SLAMF8: variants seen among roughly 807,000 people sequenced by gnomAD.
SLAMF8 encodes SLAM family member 8.
SLAMF8 carries 23 observed loss-of-function variants against 29.0 expected under a neutral mutation model. That is an observed-to-expected ratio of 0.79 (90% CI 0.57 to 1.13). SLAMF8 has a LOEUF of 1.13. Among genes scored for constraint, SLAMF8 ranks in the 50% most tolerant of loss-of-function variants. The pLI is 0.00. For synonymous variants in SLAMF8, 139 were observed against 145.6 expected, an observed-to-expected ratio of 0.96 and a Z score of 0.32; for missense variants, 381 against 353.1, an observed-to-expected ratio of 1.08 and a Z score of -0.63.
In SLAMF8 at chr1:159,837,134, C is replaced by G. The variant is rs956736411; in HGVS notation, c.*1874C>G. 1.0e-6 allele frequency: 1 copy of G among 985,392 alleles called. No individual in the cohort carries two copies. The highest frequency in any genetic ancestry group is 1.2e-6 in the Non-Finnish European group (1 of 830,004). 61.0% of individuals were successfully genotyped at this position (985,392 alleles called of 1,614,324 possible). A position where few individuals can be genotyped will look rare whatever the true frequency, so the allele number is the denominator to read the frequency against. On this transcript the variant is annotated 3_prime_UTR_variant, in exon 5 of 5. Transcript: ENST00000289707. Reference sequence around the variant, plus strand: ...TCTGGATGAGATGGGACCTGCAGCTCTCCCTCCACAAGGTGACTCTTAGCA... The same window carrying G: ...TCTGGATGAGATGGGACCTGCAGCTGTCCCTCCACAAGGTGACTCTTAGCA...
At chr1:159,834,045 G>A (rs1045418907) in intron 4 of SLAMF8, among the ~76,000 whole-genome samples, 1 of 152,182 alleles carries the variant, frequency 6.6e-6, no homozygotes, top group African/African-American at 2.4e-5. Flanking sequence ...GGAAGGAAGG[G>A]GAAACTCCAA....
Position 159,833,255 on chromosome 1 carries a change from T to C in SLAMF8, c.674-7T>C, listed in dbSNP as rs200038283. On this transcript the variant is annotated splice_polypyrimidine_tract_variant and splice_region_variant and intron_variant, in intron 3 of 4. Transcript: ENST00000289707. ...GTCCACCTCTAACCCCACCCCTCCATGTTCAGCACCAGGGAAGGCCTCCTA... is the reference window on the plus strand; with the variant it reads ...GTCCACCTCTAACCCCACCCCTCCACGTTCAGCACCAGGGAAGGCCTCCTA... The C allele has an allele frequency of 2.7e-5, 44 of 1,614,072 alleles. No individual in the cohort carries two copies. In the African/African-American group the frequency reaches 3.7e-4, roughly 14 times the overall value.
rs1016607498 is a variant in SLAMF8 at position 159,833,092 on chromosome 1, G to C, written c.584G>C (p.Arg195Thr). ...AGCATTTCCCTGGGACCAGGAGACA[G>C]AGATGTGGCCTATTCCTGCATTGTC... ...VLSISLGPGD[R>T]DVAYSCIVSN... Residue 195 changes from arginine (R) to threonine (T), a missense_variant, in exon 3 of 5, where the codon AGA becomes ACA. Coordinates refer to ENST00000289707, the MANE Select transcript of SLAMF8 (RefSeq NM_020125.3). 5 of 1,614,090 alleles carry C rather than the reference G, an allele frequency of 3.1e-6. No homozygotes were observed. The highest frequency in any genetic ancestry group is 1.3e-5 in the African/African-American group (1 of 74,928).
At chr1:159,831,922 A>C (rs978938549) in intron 2 of SLAMF8, among the ~76,000 whole-genome samples, 4 of 152,146 alleles carry the variant, frequency 2.6e-5, no homozygotes, top group African/African-American at 9.7e-5. Flanking sequence ...GTGCCCAGCA[A>C]ATCATTTCTC....
rs58863620 is a variant in SLAMF8 at position 159,836,459 on chromosome 1, C to G, written c.*1199C>G. 0.15 allele frequency: 151,614 copies of G among 985,310 alleles called. 12,342 individuals carry two copies. Among genetic ancestry groups the G allele is most frequent in the African/African-American group, 0.24 (13,545 of 57,290 alleles). 61.0% of individuals were successfully genotyped at this position (985,310 alleles called of 1,614,324 possible). ...AAAAACACTTAAGGAGCTAAACTTA[C>G]CTTCGGGGATTATTAGCTGATAAGG... On this transcript the variant is annotated 3_prime_UTR_variant, in exon 5 of 5. Coordinates refer to ENST00000289707, the MANE Select transcript of SLAMF8 (RefSeq NM_020125.3).
Position 159,836,817 on chromosome 1 carries a change from C to A in SLAMF8, c.*1557C>A, listed in dbSNP as rs1267323931. On this transcript the variant is annotated 3_prime_UTR_variant, in exon 5 of 5. Coordinates refer to ENST00000289707, the MANE Select transcript of SLAMF8 (RefSeq NM_020125.3). ...GTTGGTAACCTGGCTTTATCAAATT[C>A]TCATCCCTTTCCCACACCCACTTCT... The A allele has an allele frequency of 1.0e-6, 1 of 985,590 alleles. No homozygotes were observed. 61.1% of individuals were successfully genotyped at this position (985,590 alleles called of 1,614,324 possible).
intron 1 of SLAMF8, among the ~76,000 whole-genome samples, chr1:159,829,204 C>T (rs1413913992): frequency 6.6e-6 from 1 of 152,204 alleles, no homozygotes; most frequent in Non-Finnish European, 1.5e-5. Context: ...TCTCCACATC[C>T]CTGCTGGAGT....
At position 159,826,904 on chromosome 1, in the gene SLAMF8, C is replaced by CA; in HGVS notation, c.7dup (p.Met3AsnfsTer45). ...GCCTGCCTCTCCAGAGAAAGATGGT[C>CA]ATGAGGCCCCTGTGGAGTCTGCTTC... On this transcript the variant is annotated frameshift_variant, in exon 1 of 5. Transcript: ENST00000289707. LOFTEE classifies it high-confidence loss of function. 2 of 1,614,092 alleles carry CA rather than the reference C, an allele frequency of 1.2e-6. No homozygotes were observed. Among genetic ancestry groups the CA allele is most frequent in the Non-Finnish European group, 8.5e-7 (1 of 1,180,012 alleles).
At chr1:159,832,488 C>A (rs1022974761) in intron 2 of SLAMF8, among the ~76,000 whole-genome samples, 4 of 152,236 alleles carry the variant, frequency 2.6e-5, no homozygotes, top group African/African-American at 9.6e-5. Flanking sequence ...GCAATGTGTT[C>A]AAGCTGGGCC....
At position 159,835,875 on chromosome 1, in the gene SLAMF8, C is replaced by T; in HGVS notation, c.*615C>T. Reference sequence around the variant, plus strand: ...CTTTCAGGTAATCAGAGTTCATGGGCCCTCAAAGGTAAATTGCAGTTGTAG... The same window carrying T: ...CTTTCAGGTAATCAGAGTTCATGGGTCCTCAAAGGTAAATTGCAGTTGTAG... On this transcript the variant is annotated 3_prime_UTR_variant, in exon 5 of 5. Coordinates refer to ENST00000289707, the MANE Select transcript of SLAMF8 (RefSeq NM_020125.3). 1 of 985,422 alleles carries T rather than the reference C, an allele frequency of 1.0e-6. No individual in the cohort carries two copies. Among genetic ancestry groups the T allele is most frequent in the Non-Finnish European group, 1.2e-6 (1 of 829,966 alleles). 61.0% of individuals were successfully genotyped at this position (985,422 alleles called of 1,614,324 possible).
chr1:159,834,267 G>T (rs534796075), intron 4 of SLAMF8, among the ~76,000 whole-genome samples: 1 of 152,330 alleles, frequency 6.6e-6, no homozygotes, highest in East Asian at 1.9e-4. Context: ...AGAAGGCAGG[G>T]TCTGGGTCCA....
At position 159,836,084 on chromosome 1, in the gene SLAMF8, C is replaced by T; in HGVS notation, c.*824C>T. ...CAGGAAAAGAAATACTGAATTTGCC[C>T]CAGCCAACAGGACGTTCTTGCACAA... On this transcript the variant is annotated 3_prime_UTR_variant, in exon 5 of 5. Transcript: ENST00000289707. 2.0e-6 allele frequency: 2 copies of T among 985,446 alleles called. No homozygotes were observed. Among genetic ancestry groups the T allele is most frequent in the Non-Finnish European group, 2.4e-6 (2 of 829,940 alleles). 61.0% of individuals were successfully genotyped at this position (985,446 alleles called of 1,614,324 possible). A position where few individuals can be genotyped will look rare whatever the true frequency, so the allele number is the denominator to read the frequency against.
Position 159,835,558 on chromosome 1 carries a change from C to A in SLAMF8, c.*298C>A. 1 of 1,158,596 alleles carries A rather than the reference C, an allele frequency of 8.6e-7. No homozygotes were observed. Among genetic ancestry groups the A allele is most frequent in the South Asian group, 3.1e-5 (1 of 31,764 alleles). The allele number at this position is 1,158,596 out of a possible 1,614,324, so 71.8% of individuals were successfully genotyped here. ...CTGGAAGTTCTCCAGGATCCAGATC[C>A]ATGGGGACATTAATAGTCCAAGGCA... On this transcript the variant is annotated 3_prime_UTR_variant, in exon 5 of 5. Coordinates refer to ENST00000289707, the MANE Select transcript of SLAMF8 (RefSeq NM_020125.3).
chr1:159,830,232 C>G (rs374458004), intron 2 of SLAMF8, 40 bp downstream of exon 2: 3 of 1,524,110 alleles, frequency 2.0e-6, no homozygotes, highest in East Asian at 2.3e-5. Flanking sequence ...CCTCTTCCCC[C>G]ACAAAGCACC....
At chr1:159,834,052 C>T (rs1647704400) in intron 4 of SLAMF8, among the ~76,000 whole-genome samples, 1 of 152,174 alleles carries the variant, frequency 6.6e-6, no homozygotes, top group South Asian at 2.1e-4. Flanking sequence ...AGGGGAAACT[C>T]CAAGATCAGA....
Position 159,830,042 on chromosome 1 carries a change from C to T in SLAMF8, c.217C>T (p.His73Tyr). The change falls in exon 2 of 5, where the codon CAT (histidine) becomes TAT (tyrosine). Residue 73 changes from histidine (H) to tyrosine (Y), a missense_variant. Transcript: ENST00000289707. Reference sequence around the variant, plus strand: ...CCGAGGCTCCCTGGAGACTCTGTACCATTCCCGCTTCCTGGGCCGAGCCCA... The same window carrying T: ...CCGAGGCTCCCTGGAGACTCTGTACTATTCCCGCTTCCTGGGCCGAGCCCA... Reference protein sequence around the residue: ...FFRGSLETLYHSRFLGRAQLH... With the variant: ...FFRGSLETLYYSRFLGRAQLH... 3 of 1,614,254 alleles carry T rather than the reference C, an allele frequency of 1.9e-6. No homozygotes were observed. The highest frequency in any genetic ancestry group is 2.5e-6 in the Non-Finnish European group (3 of 1,180,042).
chr1:159,829,747 C>T, intron 1 of SLAMF8, 119 bp from the exon 2 acceptor site: 2 of 1,083,510 alleles, frequency 1.8e-6, no homozygotes, highest in Non-Finnish European at 2.7e-6. Context: ...GCAACCTCAA[C>T]TTGAGTGGAG....
chr1:159,833,087 A>C lies in SLAMF8; in HGVS notation c.579A>C (p.Gly193=), dbSNP rs1188436303. ...TGCTGAGCATTTCCCTGGGACCAGG[A>C]GACAGAGATGTGGCCTATTCCTGCA... ...GQVLSISLGP[G]DRDVAYSCIV... Residue 193 remains glycine (G), a synonymous_variant, in exon 3 of 5, where the codon GGA becomes GGC. Transcript: ENST00000289707. 12 of 1,614,198 alleles carry C rather than the reference A, an allele frequency of 7.4e-6. No individual in the cohort carries two copies. Among genetic ancestry groups the C allele is most frequent in the Non-Finnish European group, 1.0e-5 (12 of 1,180,038 alleles).
chr1:159,835,070 T>C, intron 4 of SLAMF8, 114 bp from the exon 5 acceptor site: 2 of 917,782 alleles, frequency 2.2e-6, no homozygotes, highest in South Asian at 3.4e-5. Context: ...AATGTTCCTT[T>C]ACCTAAGGTG....
Sources: allele counts gnomAD v4.1 joint callset (sites outside exome capture counted in the v4.1 genomes callset), GRCh38; gene constraint gnomAD v4.1.1; transcripts MANE v1.5; gene names NCBI Gene and HGNC (gene_info 2026-07-23, HGNC 2026-07-21).